SELENOT: variants seen among roughly 807,000 people sequenced by gnomAD.
The protein encoded by SELENOT is selenoprotein T.
SELENOT carries 9 observed loss-of-function variants against 24.3 expected under a neutral mutation model. The ratio of observed to expected loss-of-function variants is 0.37; its 90% CI spans 0.22 to 0.65. SELENOT has a LOEUF of 0.65. Among genes scored for constraint, SELENOT ranks in the 30% least tolerant of loss-of-function variants. The probability of loss-of-function intolerance (pLI) is 0.60; values close to 1 mark genes in which losing one functional copy is unlikely to be tolerated. For missense variants in SELENOT, 166 were observed against 247.6 expected (o/e 0.67, Z 2.21); for synonymous variants, 81 against 86.0 (o/e 0.94, Z 0.32).
At chr3:150,614,669 G>A (rs1171801401) in intron 1 of SELENOT, 1 of 153,608 alleles carries the variant, frequency 6.5e-6, no homozygotes, top group Non-Finnish European at 1.5e-5. Context: ...AAATCCAGTA[G>A]GTAAGAAGAT....
chr3:150,627,065 T>C lies in SELENOT; in HGVS notation c.519T>C (p.Leu173=). ...GTCACCTTCCATCCATGCAACAACT[T>C]GTTCAAATTCTTGACAATGAAATGA... The part of the protein sequence containing the change: ...ESGHLPSMQQ[L]VQILDNEMKL... Residue 173 remains leucine, a synonymous_variant, in exon 5 of 6, where the codon CTT becomes CTC. Transcript: ENST00000471696. The C allele has an allele frequency of 6.2e-7, 1 of 1,613,816 alleles. No homozygotes were observed. The highest frequency in any genetic ancestry group is 8.5e-7 in the Non-Finnish European group (1 of 1,179,790).
intron 1 of SELENOT, among the ~76,000 whole-genome samples, chr3:150,607,535 G>C (rs1725992764): frequency 6.6e-6 from 1 of 152,206 alleles, no homozygotes; most frequent in Non-Finnish European, 1.5e-5. Flanking sequence ...TCACAGGCAA[G>C]AGCAGATGCA....
Position 150,603,383 on chromosome 3 carries a change from C to G in SELENOT, c.21C>G (p.Leu7=), listed in dbSNP as rs750653580. ...TTAAGATGAGGCTTCTGCTGCTTCT[C>G]CTAGTGGCGGCGTCTGCGATGGTCC... is the stretch of plus-strand genomic sequence containing the variant. MRLLLL[L]LVAASAMVRS... The change falls in exon 1 of 6, where the codon CTC becomes CTG. Residue 7 remains leucine (L), a synonymous_variant. Coordinates refer to ENST00000471696, the MANE Select transcript of SELENOT (RefSeq NM_016275.5). The G allele has an allele frequency of 8.1e-6, 13 of 1,612,942 alleles. No homozygotes were observed. The highest frequency in any genetic ancestry group is 2.7e-5 in the African/African-American group (2 of 74,938).
intron 1 of SELENOT, chr3:150,611,207 G>T (rs1726082032): frequency 2.3e-6 from 2 of 866,742 alleles, no homozygotes; most frequent in South Asian, 1.6e-5. Context: ...TTCTACATGT[G>T]AAAAAGCGGT....
rs377381128 is a variant in SELENOT, at chr3:150,628,581, T to C, written c.*952T>C. On this transcript the variant is annotated 3_prime_UTR_variant, in exon 6 of 6. Coordinates refer to ENST00000471696, the MANE Select transcript of SELENOT (RefSeq NM_016275.5). Reference sequence around the variant, plus strand: ...CACTTGAACCTCTTTATAGCATTGATACTAGGTGAACAGAAATTACCTGAC... The same window carrying C: ...CACTTGAACCTCTTTATAGCATTGACACTAGGTGAACAGAAATTACCTGAC... 2 of 152,220 alleles carry C rather than the reference T, an allele frequency of 1.3e-5. No individual in the cohort carries two copies. Among genetic ancestry groups the C allele is most frequent in the East Asian group, 3.8e-4 (2 of 5,202 alleles). 9.4% of individuals were successfully genotyped at this position (152,220 alleles called of 1,614,324 possible).
chr3:150,603,336 GC>G lies in SELENOT; in HGVS notation c.-26del. 6.2e-7 allele frequency: 1 copy of G among 1,604,282 alleles called. No individual in the cohort carries two copies. The highest frequency in any genetic ancestry group is 8.5e-7 in the Non-Finnish European group (1 of 1,172,944). On this transcript the variant is annotated 5_prime_UTR_variant, in exon 1 of 6. Coordinates refer to ENST00000471696, the MANE Select transcript of SELENOT (RefSeq NM_016275.5). The stretch of plus-strand genomic sequence containing the variant: ...TGGGCTGGCTGCAGTCTGTCTGAGG[GC>G]GGCCGAAGTGGCTGGCTCATTTAAG...
chr3:150,623,041 A>G lies in SELENOT; in HGVS notation c.249-2A>G. ...ATGATTTTCTTTCTTTTCTTTTGAT[A>G]GACACATAGCATCTTTCCTGTCAGT... On this transcript the variant is annotated splice_acceptor_variant, in intron 2 of 5. Transcript: ENST00000471696. LOFTEE classifies it high-confidence loss of function. 1.3e-6 allele frequency: 2 copies of G among 1,531,000 alleles called. No homozygotes were observed. The highest frequency in any genetic ancestry group is 1.8e-6 in the Non-Finnish European group (2 of 1,141,070). The allele number at this position is 1,531,000 out of a possible 1,614,324, so 94.8% of individuals were successfully genotyped here.
At chr3:150,604,559 A>G (rs969117805) in intron 1 of SELENOT, among the ~76,000 whole-genome samples, 1 of 152,212 alleles carries the variant, frequency 6.6e-6, no homozygotes, top group Non-Finnish European at 1.5e-5. Context: ...AACTTCATGT[A>G]TTAGTATATT....
At chr3:150,615,442 C>G (rs561818381) in intron 1 of SELENOT, among the ~76,000 whole-genome samples, 96 of 152,028 alleles carry the variant, frequency 6.3e-4, no homozygotes, top group African/African-American at 2.2e-3. Context: ...AATCGCCACA[C>G]TGACTTCCAC....
chr3:150,611,685 C>T (rs960886486), intron 1 of SELENOT: 2 of 1,601,426 alleles, frequency 1.2e-6, no homozygotes, highest in South Asian at 1.1e-5. Flanking sequence ...GCCTGCTGCC[C>T]GACCGCACCG....
chr3:150,621,075 G>A (rs757511187), intron 1 of SELENOT, among the ~76,000 whole-genome samples: 19 of 152,074 alleles, frequency 1.2e-4, no homozygotes, highest in African/African-American at 3.6e-4. Context: ...AGAATAAAAA[G>A]TACAACAATG....
chr3:150,613,829 G>A (rs558651327), intron 1 of SELENOT, among the ~76,000 whole-genome samples: 3 of 152,048 alleles, frequency 2.0e-5, no homozygotes, highest in Non-Finnish European at 2.9e-5. Context: ...TTTGGAGAGA[G>A]GATCTTTGCA....
intron 1 of SELENOT, among the ~76,000 whole-genome samples, chr3:150,613,693 T>TA (rs1553748819): frequency 1.2e-4 from 18 of 146,974 alleles, no homozygotes; most frequent in Admixed American, 6.9e-4. Flanking sequence ...TTTTTTTTTT[T>TA]AGAGAAAAAG....
At chr3:150,611,194 C>A in intron 1 of SELENOT, 1 of 788,200 alleles carries the variant, frequency 1.3e-6, no homozygotes, top group Non-Finnish European at 2.1e-6. Context: ...ACACAAAGAA[C>A]ATTTCTACAT....
At chr3:150,613,365 T>C (rs1253706516) in intron 1 of SELENOT, among the ~76,000 whole-genome samples, 1 of 152,216 alleles carries the variant, frequency 6.6e-6, no homozygotes, top group Non-Finnish European at 1.5e-5. Context: ...ATTCAAACCA[T>C]ACATAGCACA....
chr3:150,603,425 C>T lies in SELENOT; in HGVS notation c.63C>T (p.Ala21=). Residue 21 remains alanine, a synonymous_variant, in exon 1 of 6, where the codon GCC becomes GCT. Coordinates refer to ENST00000471696, the MANE Select transcript of SELENOT (RefSeq NM_016275.5). ...CGATGGTCCGGAGCGAGGCCTCGGC[C>T]AATCTGGGCGGCGTGCCCAGCAAGA... The part of the protein sequence containing the change: ...ASAMVRSEAS[A]NLGGVPSKRL... The T allele has an allele frequency of 6.2e-7, 1 of 1,613,398 alleles. No individual in the cohort carries two copies. Among genetic ancestry groups the T allele is most frequent in the Non-Finnish European group, 8.5e-7 (1 of 1,179,520 alleles).
chr3:150,626,302 C>G (rs1052549900), intron 4 of SELENOT, among the ~76,000 whole-genome samples: 12 of 152,204 alleles, frequency 7.9e-5, no homozygotes, highest in Non-Finnish European at 1.3e-4. Context: ...TCTGCATGAT[C>G]TATTTCAGTG....
intron 4 of SELENOT, 25 bp from the exon 5 acceptor site, chr3:150,626,985 G>A: frequency 1.2e-6 from 2 of 1,600,378 alleles, no homozygotes; most frequent in Non-Finnish European, 1.7e-6. Context: ...AATTTTTTGG[G>A]GGGCGGTGCC....
intron 1 of SELENOT, among the ~76,000 whole-genome samples, chr3:150,615,318 A>G (rs576213392): frequency 1.5e-3 from 231 of 151,864 alleles, no homozygotes; most frequent in African/African-American, 5.3e-3. Context: ...TAATGCCGCA[A>G]TAAACATACG....
Sources: gnomAD v4.1 joint callset for allele counts (sites outside exome capture counted in the v4.1 genomes callset) on GRCh38, gnomAD v4.1.1 for gene constraint, MANE v1.5 for transcripts, NCBI Gene and HGNC (gene_info 2026-07-23, HGNC 2026-07-21) for gene names.